Variants in NRG3 observed in about 807,000 individuals in gnomAD.
NRG3 encodes the protein pro-neuregulin-3, membrane-bound isoform.
In NRG3, 31 loss-of-function variants were observed where a neutral mutation model predicts 66.9. The observed-to-expected ratio is 0.46, with a 90% CI of 0.35 to 0.63. The LOEUF is 0.63. NRG3 is among the 20% of genes least tolerant of loss of function. The pLI is 0.00. For synonymous variants in NRG3, 393 were observed against 359.4 expected, an observed-to-expected ratio of 1.09 and a Z score of -1.06; for missense variants, 910 against 878.9, an observed-to-expected ratio of 1.04 and a Z score of -0.45.
intron 2 of NRG3, among the ~76,000 whole-genome samples, chr10:82,364,778 G>A (rs550317488): frequency 4.5e-4 from 68 of 152,276 alleles, no homozygotes; most frequent in African/African-American, 1.6e-3. Context: ...CAAGCAATTC[G>A]CTTGAAGATA....
At chr10:82,041,384 C>T (rs2063029063) in intron 1 of NRG3, among the ~76,000 whole-genome samples, 1 of 152,002 alleles carries the variant, frequency 6.6e-6, no homozygotes, top group Non-Finnish European at 1.5e-5. Context: ...GGCACATTTT[C>T]CCTCCCAACA....
At chr10:82,905,320 C>G (rs778210214) in intron 4 of NRG3, among the ~76,000 whole-genome samples, 2 of 152,130 alleles carry the variant, frequency 1.3e-5, no homozygotes, top group African/African-American at 2.4e-5. Flanking sequence ...GTCCTCCATT[C>G]CATTTCCTAG....
chr10:82,470,147 TA>T (rs949386107), intron 2 of NRG3, among the ~76,000 whole-genome samples: 2 of 152,214 alleles, frequency 1.3e-5, no homozygotes, highest in Admixed American at 6.5e-5. Flanking sequence ...AGGCACACTG[TA>T]AAAGAAGGGC....
intron 1 of NRG3, among the ~76,000 whole-genome samples, chr10:82,344,495 G>C (rs1318618588): frequency 6.8e-6 from 1 of 147,424 alleles, no homozygotes; most frequent in Non-Finnish European, 1.5e-5. Flanking sequence ...CCAAGTCTTT[G>C]CTATTGTGAA....
At chr10:82,164,709 A>T (rs890547458) in intron 1 of NRG3, among the ~76,000 whole-genome samples, 4 of 152,188 alleles carry the variant, frequency 2.6e-5, no homozygotes, top group Non-Finnish European at 5.9e-5. Context: ...AAGAAAAGAA[A>T]ACAGTCAAGA....
intron 2 of NRG3, among the ~76,000 whole-genome samples, chr10:82,602,475 A>T (rs2047696425): frequency 6.6e-6 from 1 of 151,952 alleles, no homozygotes; most frequent in South Asian, 2.1e-4. Flanking sequence ...ATATTTATTA[A>T]ATTATTATAT....
intron 6 of NRG3, among the ~76,000 whole-genome samples, chr10:82,965,186 A>C (rs1421573475): frequency 6.6e-6 from 1 of 152,200 alleles, no homozygotes; most frequent in Non-Finnish European, 1.5e-5. Flanking sequence ...ATTCACTGCT[A>C]ACAGGATCTT....
chr10:82,753,350 T>G (rs1247644865), intron 3 of NRG3, among the ~76,000 whole-genome samples: 1 of 151,852 alleles, frequency 6.6e-6, no homozygotes, highest in Admixed American at 6.6e-5. Context: ...TATTGGTGAT[T>G]TTCTTATTGA....
At chr10:82,732,355 T>C (rs1325362671) in intron 2 of NRG3, among the ~76,000 whole-genome samples, 1 of 152,178 alleles carries the variant, frequency 6.6e-6, no homozygotes, top group African/African-American at 2.4e-5. Flanking sequence ...TAAATCATGG[T>C]GTTAGTTCAT....
intron 1 of NRG3, among the ~76,000 whole-genome samples, chr10:82,322,708 A>G (rs1462868887): frequency 6.6e-6 from 1 of 152,210 alleles, no homozygotes; most frequent in Non-Finnish European, 1.5e-5. Flanking sequence ...TGTACTACTT[A>G]TAACAGAATC....
At chr10:82,773,761 T>A (rs2059799387) in intron 3 of NRG3, among the ~76,000 whole-genome samples, 1 of 152,154 alleles carries the variant, frequency 6.6e-6, no homozygotes, top group South Asian at 2.1e-4. Context: ...GTGGCAAGAG[T>A]GGGCATCTCT....
At chr10:82,853,529 T>C (rs999301388) in intron 3 of NRG3, among the ~76,000 whole-genome samples, 3 of 152,190 alleles carry the variant, frequency 2.0e-5, no homozygotes, top group Non-Finnish European at 4.4e-5. Context: ...GGTATATTCC[T>C]AAGTATTTTT....
At chr10:82,162,080 C>T (rs2071643564) in intron 1 of NRG3, among the ~76,000 whole-genome samples, 1 of 152,082 alleles carries the variant, frequency 6.6e-6, no homozygotes, top group African/African-American at 2.4e-5. Flanking sequence ...CTTTGTTTCA[C>T]TAGAATAGAT....
chr10:82,459,589 G>T (rs767061447), intron 2 of NRG3, among the ~76,000 whole-genome samples: 25 of 152,184 alleles, frequency 1.6e-4, no homozygotes, highest in Non-Finnish European at 2.9e-4. Flanking sequence ...AAACAGTGCT[G>T]CTCTGTCCTG....
chr10:82,220,197 T>G (rs927886574), intron 1 of NRG3, among the ~76,000 whole-genome samples: 1 of 152,036 alleles, frequency 6.6e-6, no homozygotes, highest in Non-Finnish European at 1.5e-5. Flanking sequence ...TGTGTGTGTG[T>G]GTGTGTGTGT....
intron 3 of NRG3, among the ~76,000 whole-genome samples, chr10:82,851,710 A>C (rs887730595): frequency 2.0e-5 from 3 of 148,894 alleles, no homozygotes; most frequent in African/African-American, 2.5e-5. Flanking sequence ...CCTTGAACAA[A>C]AGTTCGAAAG....
At chr10:82,429,165 T>C (rs776226136) in intron 2 of NRG3, among the ~76,000 whole-genome samples, 3 of 152,052 alleles carry the variant, frequency 2.0e-5, no homozygotes, top group Non-Finnish European at 2.9e-5. Flanking sequence ...TTTTTTACAT[T>C]ATAAGTCAAT....
At chr10:82,471,892 A>G (rs1245348210) in intron 2 of NRG3, among the ~76,000 whole-genome samples, 1 of 151,232 alleles carries the variant, frequency 6.6e-6, no homozygotes, top group African/African-American at 2.4e-5. Flanking sequence ...TCCATCTCGA[A>G]AAAAAAAAAA....
At chr10:82,049,905 A>G (rs11819173) in intron 1 of NRG3, among the ~76,000 whole-genome samples, 38,122 of 151,868 alleles carry the variant, frequency 0.25, 4,904 homozygotes, top group Middle Eastern at 0.33. Flanking sequence ...TAGGAATCTA[A>G]GAATTGTTTA....
Sources: allele counts gnomAD v4.1 joint callset (sites outside exome capture counted in the v4.1 genomes callset), GRCh38; gene constraint gnomAD v4.1.1; transcripts MANE v1.5; gene names NCBI Gene and HGNC (gene_info 2026-07-23, HGNC 2026-07-21).